The following AHI1 variants were observed in gnomAD, a reference collection of about 807,000 sequenced individuals.
The protein encoded by AHI1 is jouberin.
AHI1 carries 123 observed loss-of-function variants against 149.3 expected under a neutral mutation model. The observed-to-expected ratio is 0.82, with a 90% CI of 0.71 to 0.96. The LOEUF (loss-of-function observed/expected upper bound fraction) is 0.96. Ranked by LOEUF, AHI1 falls within the 40% of genes least tolerant of loss-of-function variation. The pLI is 0.00. For missense variants in AHI1, 1,439 were observed against 1,422.7 expected, an observed-to-expected ratio of 1.01 and a Z score of -0.18; for synonymous variants, 475 against 459.8, an observed-to-expected ratio of 1.03 and a Z score of -0.42.
intron 23 of AHI1, among the ~76,000 whole-genome samples, chr6:135,369,295 G>T (rs1405462727): frequency 6.6e-6 from 1 of 152,174 alleles, no homozygotes; most frequent in African/African-American, 2.4e-5. Flanking sequence ...GCAGCAAGCT[G>T]CCCCCTCTAA....
chr6:135,399,418 C>A (rs887688859), intron 22 of AHI1, among the ~76,000 whole-genome samples: 2 of 152,078 alleles, frequency 1.3e-5, no homozygotes, highest in Non-Finnish European at 2.9e-5. Context: ...AGCTTGTCTC[C>A]ATGATAAAAC....
intron 23 of AHI1, among the ~76,000 whole-genome samples, chr6:135,381,374 C>T (rs1423129684): frequency 6.6e-6 from 1 of 152,010 alleles, no homozygotes; most frequent in African/African-American, 2.4e-5. Flanking sequence ...TACAAACACC[C>T]ATATAGACAT....
chr6:135,334,716 G>A (rs1789111343), intron 24 of AHI1, among the ~76,000 whole-genome samples: 1 of 152,128 alleles, frequency 6.6e-6, no homozygotes, highest in Non-Finnish European at 1.5e-5. Flanking sequence ...GTTAAGAGAA[G>A]AAAAAATCAT....
rs1491384083 is a variant in AHI1 at position 135,482,893 on chromosome 6, G to GTTTTTTTTTTTTTTTTTT, written c.135+7729_135+7730insAAAAAAAAAAAAAAAAAA. 9.0e-3 allele frequency among the ~76,000 whole-genome samples: 52 copies of GTTTTTTTTTTTTTTTTTT among 5,758 alleles called. 1 individual carries two copies. Among genetic ancestry groups the GTTTTTTTTTTTTTTTTTT allele is most frequent in the Non-Finnish European group, 0.013 (41 of 3,188 alleles). 3.8% of individuals were successfully genotyped at this position (5,758 alleles called of 152,430 possible). On this transcript the variant is annotated intron_variant, in intron 5 of 28. Transcript: ENST00000265602. ...CTTCAACCAGTATAATCCATTTAAG[G>GTTTTTTTTTTTTTTTTTT]CTTTTTTTTTTTTTTTGAGACAGAG...
intron 23 of AHI1, among the ~76,000 whole-genome samples, chr6:135,364,960 CG>C (rs1391222457): frequency 1.3e-5 from 2 of 148,640 alleles, no homozygotes; most frequent in African/African-American, 5.1e-5. Context: ...GGAGTGGGAG[CG>C]GGAGCGTCTT....
intron 11 of AHI1, among the ~76,000 whole-genome samples, chr6:135,452,789 A>G (rs1052980899): frequency 1.1e-4 from 17 of 152,010 alleles, no homozygotes; most frequent in African/African-American, 3.1e-4. Context: ...TGCTCCTTCA[A>G]ATATCAGGGT....
At chr6:135,449,311 A>G (rs778541239) in intron 11 of AHI1, among the ~76,000 whole-genome samples, 7 of 152,126 alleles carry the variant, frequency 4.6e-5, no homozygotes, top group Non-Finnish European at 8.8e-5. Flanking sequence ...CGGCCTCCCA[A>G]AGTGTTGGGA....
At chr6:135,363,958 C>T (rs1794426726) in intron 23 of AHI1, among the ~76,000 whole-genome samples, 1 of 148,366 alleles carries the variant, frequency 6.7e-6, no homozygotes, top group Admixed American at 6.6e-5. Context: ...CCCCCCACCT[C>T]CCTCCCGGAC....
At chr6:135,431,409 G>C (rs937957017) in intron 16 of AHI1, 95 bp from the exon 17 acceptor site, 13 of 661,774 alleles carry the variant, frequency 2.0e-5, no homozygotes, top group Non-Finnish European at 3.0e-5. Flanking sequence ...CAGTAAAACA[G>C]TCAAAGAATT....
chr6:135,304,437 C>A (rs1562466366), intron 26 of AHI1, among the ~76,000 whole-genome samples: 3 of 152,128 alleles, frequency 2.0e-5, no homozygotes, highest in Admixed American at 2.0e-4. Context: ...GGAAAAAATT[C>A]TTCTGTATTA....
At chr6:135,304,346 C>T (rs975558926) in intron 26 of AHI1, among the ~76,000 whole-genome samples, 1 of 152,188 alleles carries the variant, frequency 6.6e-6, no homozygotes, top group Non-Finnish European at 1.5e-5. Flanking sequence ...AGCCACTGGG[C>T]CCGGCCTGAT....
At chr6:135,423,512 T>C (rs1034825260) in intron 20 of AHI1, among the ~76,000 whole-genome samples, 2 of 152,208 alleles carry the variant, frequency 1.3e-5, no homozygotes, top group Admixed American at 1.3e-4. Context: ...TTGTCAACAA[T>C]GACAACGTAG....
chr6:135,343,300 T>C (rs571354825), intron 24 of AHI1, among the ~76,000 whole-genome samples: 6 of 151,980 alleles, frequency 3.9e-5, no homozygotes, highest in African/African-American at 1.2e-4. Context: ...AATGGACCCA[T>C]GCTAAAAGAC....
intron 26 of AHI1, chr6:135,302,101 C>T (rs1783950651): frequency 1.0e-6 from 1 of 977,006 alleles, no homozygotes; most frequent in Non-Finnish European, 1.2e-6. Flanking sequence ...AAGCAATCCT[C>T]CCGCCTCAGC....
At chr6:135,355,998 A>G (rs951952167) in intron 24 of AHI1, among the ~76,000 whole-genome samples, 2 of 152,224 alleles carry the variant, frequency 1.3e-5, no homozygotes, top group Non-Finnish European at 2.9e-5. Context: ...AATGGCTGCA[A>G]CTAGCATATA....
chr6:135,457,743 A>C, intron 8 of AHI1, 30 bp from the exon 9 acceptor site: 1 of 1,579,662 alleles, frequency 6.3e-7, no homozygotes, highest in Non-Finnish European at 8.7e-7. Flanking sequence ...AATCAATGTT[A>C]TAATTAGTTG....
chr6:135,457,139 C>G (rs149248730), intron 9 of AHI1, among the ~76,000 whole-genome samples: 3,658 of 152,184 alleles, frequency 0.024, 64 homozygotes, highest in East Asian at 0.054. Context: ...CAAAAATTAG[C>G]CAGGAGTGGT....
intron 23 of AHI1, among the ~76,000 whole-genome samples, chr6:135,374,630 T>C (rs1255022005): frequency 6.6e-6 from 1 of 152,138 alleles, no homozygotes; most frequent in Non-Finnish European, 1.5e-5. Flanking sequence ...CAATTTCTCT[T>C]ACATATTCAA....
intron 9 of AHI1, 142 bp downstream of exon 9, chr6:135,457,351 CT>C: frequency 1.6e-6 from 1 of 621,934 alleles, no homozygotes; most frequent in Non-Finnish European, 2.8e-6. Flanking sequence ...ATGTTAATGA[CT>C]GATGAACACC....
Sources: allele counts gnomAD v4.1 joint callset (sites outside exome capture counted in the v4.1 genomes callset), GRCh38; gene constraint gnomAD v4.1.1; transcripts MANE v1.5; gene names NCBI Gene and HGNC (gene_info 2026-07-23, HGNC 2026-07-21).